Variants in GRM8 observed in about 807,000 individuals in gnomAD.
GRM8 encodes glutamate metabotropic receptor 8.
GRM8 carries 47 observed loss-of-function variants against 87.2 expected under a neutral mutation model. The observed-to-expected ratio is 0.54, with a 90% CI of 0.43 to 0.69. The LOEUF (loss-of-function observed/expected upper bound fraction) is 0.69. Among genes scored for constraint, GRM8 ranks in the 30% least tolerant of loss-of-function variants. GRM8 has a pLI of 0.00. For missense variants in GRM8, 1,019 were observed against 1,139.2 expected (o/e 0.89, Z 1.52); for synonymous variants, 396 against 404.5 (o/e 0.98, Z 0.25).
chr7:126,509,330 G>A (rs908620947), intron 9 of GRM8, among the ~76,000 whole-genome samples: 2 of 152,024 alleles, frequency 1.3e-5, no homozygotes, highest in Non-Finnish European at 2.9e-5. Context: ...CAGAAAGACA[G>A]ACACTTGAGG....
chr7:126,790,632 G>A (rs1014938390), intron 6 of GRM8, among the ~76,000 whole-genome samples: 4 of 152,028 alleles, frequency 2.6e-5, no homozygotes, highest in African/African-American at 4.8e-5. Flanking sequence ...AGGTGAATCC[G>A]CTTTGTTTTC....
At chr7:127,051,955 C>A (rs1819536631) in intron 3 of GRM8, among the ~76,000 whole-genome samples, 1 of 151,982 alleles carries the variant, frequency 6.6e-6, no homozygotes, top group Admixed American at 6.6e-5. Context: ...GGGGCTTTAC[C>A]CATTTTATTT....
intron 9 of GRM8, among the ~76,000 whole-genome samples, chr7:126,471,666 C>G (rs1018803303): frequency 3.0e-4 from 46 of 151,732 alleles, no homozygotes; most frequent in African/African-American, 1.1e-3. Context: ...ATTGACTTGG[C>G]GATGCGGGCT....
At chr7:126,925,087 T>C (rs1804956053) in intron 3 of GRM8, among the ~76,000 whole-genome samples, 1 of 152,190 alleles carries the variant, frequency 6.6e-6, no homozygotes, top group Non-Finnish European at 1.5e-5. Flanking sequence ...CAGGAACTTT[T>C]TCTTCATGTT....
chr7:127,016,785 T>C (rs1468601726), intron 3 of GRM8, among the ~76,000 whole-genome samples: 9 of 152,120 alleles, frequency 5.9e-5, no homozygotes, highest in Admixed American at 2.6e-4. Context: ...AATATGCTTG[T>C]AGAAGATTCA....
intron 7 of GRM8, among the ~76,000 whole-genome samples, chr7:126,713,336 T>TAACA (rs201342366): frequency 0.017 from 2,619 of 152,046 alleles, 64 homozygotes; most frequent in African/African-American, 0.059. Flanking sequence ...CTCAGCAAAC[T>TAACA]AACACAAGAA....
intron 8 of GRM8, among the ~76,000 whole-genome samples, chr7:126,541,292 C>T (rs139721501): frequency 2.0e-5 from 3 of 152,200 alleles, no homozygotes; most frequent in African/African-American, 7.2e-5. Context: ...CTCAACAGCA[C>T]ATCAGGCAAA....
At chr7:126,597,242 A>G (rs1797297187) in intron 8 of GRM8, among the ~76,000 whole-genome samples, 1 of 152,040 alleles carries the variant, frequency 6.6e-6, no homozygotes, top group African/African-American at 2.4e-5. Flanking sequence ...GTCACGAGAA[A>G]TTTTTGATTC....
chr7:126,649,392 A>C (rs1333925630), intron 7 of GRM8, among the ~76,000 whole-genome samples: 1 of 152,172 alleles, frequency 6.6e-6, no homozygotes, highest in African/African-American at 2.4e-5. Context: ...TCTTTCTCCC[A>C]TGCTGGATGC....
intron 9 of GRM8, among the ~76,000 whole-genome samples, chr7:126,453,722 G>A (rs961142372): frequency 6.6e-6 from 1 of 151,674 alleles, no homozygotes; most frequent in African/African-American, 2.4e-5. Flanking sequence ...AAAGCCTGAT[G>A]GAAAATTTAA....
intron 6 of GRM8, among the ~76,000 whole-genome samples, chr7:126,779,179 A>G (rs576316169): frequency 5.8e-4 from 88 of 152,154 alleles, no homozygotes; most frequent in African/African-American, 2.0e-3. Flanking sequence ...TTCTTTTGTT[A>G]TATTCAATGT....
At chr7:127,020,221 T>G (rs961769389) in intron 3 of GRM8, among the ~76,000 whole-genome samples, 3 of 152,106 alleles carry the variant, frequency 2.0e-5, no homozygotes, top group Non-Finnish European at 4.4e-5. Context: ...ATCACAAAGC[T>G]ATGCTAGAAA....
intron 7 of GRM8, among the ~76,000 whole-genome samples, chr7:126,744,388 G>A (rs61756390): frequency 0.39 from 59,320 of 151,808 alleles, 12,794 homozygotes; most frequent in Non-Finnish European, 0.48. Flanking sequence ...TTGGGCCTTC[G>A]TATAAAAATA....
At chr7:127,249,539 G>A (rs1269993576) in intron 1 of GRM8, among the ~76,000 whole-genome samples, 1 of 152,136 alleles carries the variant, frequency 6.6e-6, no homozygotes, top group Non-Finnish European at 1.5e-5. Context: ...CAACAGCATT[G>A]CCCACCACTG....
intron 6 of GRM8, among the ~76,000 whole-genome samples, chr7:126,783,313 T>C (rs1319154790): frequency 1.3e-5 from 2 of 152,188 alleles, no homozygotes; most frequent in Non-Finnish European, 2.9e-5. Context: ...TAACCTGAAT[T>C]TCTTTCTCAA....
chr7:126,500,116 A>C (rs1211292240), intron 9 of GRM8, among the ~76,000 whole-genome samples: 5 of 151,896 alleles, frequency 3.3e-5, no homozygotes, highest in Non-Finnish European at 7.4e-5. Flanking sequence ...GAAATGTACA[A>C]TACATTCTTA....
chr7:126,831,673 C>T (rs145942231), intron 6 of GRM8, among the ~76,000 whole-genome samples: 7,137 of 152,210 alleles, frequency 0.047, 263 homozygotes, highest in Non-Finnish European at 0.066. Context: ...AATGCCTTGC[C>T]CTGCTTCAGC....
In GRM8 at chr7:126,547,876, G is replaced by A. The variant is rs181147581; in HGVS notation, c.1495-13989C>T. Among the ~76,000 whole-genome samples, 21 of 149,066 alleles carry A rather than the reference G, an allele frequency of 1.4e-4. No individual in the cohort carries two copies. The East Asian group carries it at 4.2e-3, about 30-fold the overall frequency. On this transcript the variant is annotated intron_variant, in intron 8 of 10. Coordinates refer to ENST00000339582, the MANE Select transcript of GRM8 (RefSeq NM_000845.3). ...GAACAAATAGATCATAAAAGATTCT[G>A]GAGAACGAAAGAAACAAAATGAAAA...
chr7:126,618,947 A>G (rs868065786), intron 7 of GRM8, among the ~76,000 whole-genome samples: 1 of 152,208 alleles, frequency 6.6e-6, no homozygotes, highest in South Asian at 2.1e-4. Context: ...TAGTTCAACC[A>G]TTGTGGAAGA....
Sources: allele counts gnomAD v4.1 joint callset (sites outside exome capture counted in the v4.1 genomes callset), GRCh38; gene constraint gnomAD v4.1.1; transcripts MANE v1.5; gene names NCBI Gene and HGNC (gene_info 2026-07-23, HGNC 2026-07-21).